The following TAL1 variants were observed in gnomAD, a reference collection of about 807,000 sequenced individuals.
TAL1 encodes the protein TAL bHLH transcription factor 1, erythroid differentiation factor.
A neutral mutation model predicts 17.9 loss-of-function variants in TAL1; 8 were observed. That is an observed-to-expected ratio of 0.45 (90% CI 0.26 to 0.81). The LOEUF (loss-of-function observed/expected upper bound fraction) is 0.81, where lower values mean the gene tolerates loss of function less well. Ranked by LOEUF, TAL1 falls within the 30% of genes least tolerant of loss-of-function variation. The pLI is 0.17. For missense variants in TAL1, 466 were observed against 486.9 expected (o/e 0.96, Z 0.40); for synonymous variants, 223 against 218.6 (o/e 1.02, Z -0.18).
chr1:47,220,380 G>C (rs923973350), intron 3 of TAL1, among the ~76,000 whole-genome samples: 2 of 152,120 alleles, frequency 1.3e-5, no homozygotes, highest in South Asian at 2.1e-4. Context: ...CAACCACCAC[G>C]ATACCGCAAT....
chr1:47,219,856 G>C (rs986793088), exon 4 of TAL1: 1 of 1,597,238 alleles, frequency 6.3e-7, no homozygotes, highest in African/African-American at 1.3e-5. Context: ...GCTGGAGTTG[G>C]GGGAAAGCAC....
chr1:47,223,985 T>TA lies in TAL1; in HGVS notation c.541+18_541+19insT. On this transcript the variant is annotated intron_variant, in intron 3 of 3. Coordinates refer to ENST00000294339, the Ensembl canonical transcript of TAL1. ...CCAGCGTGAGGGGCAGGTACAACGGTGGGGTGGGGCAGACTCACCATCAGT... is the reference window on the plus strand; with the variant it reads ...CCAGCGTGAGGGGCAGGTACAACGGTAGGGGTGGGGCAGACTCACCATCAGT... The TA allele has an allele frequency of 6.2e-7, 1 of 1,609,506 alleles. No individual in the cohort carries two copies. The highest frequency in any genetic ancestry group is 8.5e-7 in the Non-Finnish European group (1 of 1,176,458).
chr1:47,220,099 GC>G lies in TAL1; in HGVS notation c.616del (p.Ala206ProfsTer8). The G allele has an allele frequency of 6.2e-7, 1 of 1,611,376 alleles. No homozygotes were observed. Among genetic ancestry groups the G allele is most frequent in the Non-Finnish European group, 8.5e-7 (1 of 1,178,470 alleles). The stretch of plus-strand genomic sequence containing the variant: ...GATCAGCTTGCGGAGCTCGGCAAAG[GC>G]CCCGTTCACATTCTGCTGCCGCCAT... On this transcript the variant is annotated frameshift_variant, in exon 4 of 4. Transcript: ENST00000294339. LOFTEE classifies it high-confidence loss of function.
chr1:47,219,738 A>G (rs775032379), exon 4 of TAL1: 5 of 1,609,950 alleles, frequency 3.1e-6, no homozygotes, highest in Non-Finnish European at 3.4e-6. Context: ...GGCCGGCTCC[A>G]TCGGCGGCAG....
At chr1:47,222,689 C>A (rs1223808386) in intron 3 of TAL1, among the ~76,000 whole-genome samples, 1 of 152,266 alleles carries the variant, frequency 6.6e-6, no homozygotes, top group East Asian at 1.9e-4. Flanking sequence ...CACCCCCTCT[C>A]CTCACCTTCC....
In TAL1 at chr1:47,217,074, C is replaced by G. The variant is rs371748358; in HGVS notation, c.*2646G>C. The G allele has an allele frequency of 2.6e-5, 6 of 233,536 alleles. No individual in the cohort carries two copies. The East Asian group carries it at 3.6e-4, about 14-fold the overall frequency. The allele number at this position is 233,536 out of a possible 1,614,324, so 14.5% of individuals were successfully genotyped here. A position where few individuals can be genotyped will look rare whatever the true frequency, so the allele number is the denominator to read the frequency against. On this transcript the variant is annotated 3_prime_UTR_variant, in exon 4 of 4. Transcript: ENST00000294339. ...CTTATTACTGTCCCTGGCCTTGGAA[C>G]AAGATAGAAATTAAGACAATCTGGG...
At chr1:47,230,760 T>C (rs2148597545), upstream of TAL1, 1 of 152,202 alleles carries the variant, frequency 6.6e-6, no homozygotes, top group East Asian at 1.9e-4. Context: ...ACGATTGTGA[T>C]GGTGATGGCA....
intron 2 of TAL1, 49 bp downstream of exon 3, chr1:47,225,394 C>A: frequency 1.6e-6 from 2 of 1,224,440 alleles, no homozygotes; most frequent in South Asian, 8.3e-5. Context: ...TGGGGGTGGT[C>A]GCCCTGCCCA....
At chr1:47,216,599 G>A (rs1645499499) in exon 4 of TAL1, 4 of 231,928 alleles carry the variant, frequency 1.7e-5, no homozygotes, top group Admixed American at 1.1e-4. Flanking sequence ...GAAATCACAA[G>A]TACGGCCAGA....
At chr1:47,221,354 T>C (rs573111845) in intron 3 of TAL1, among the ~76,000 whole-genome samples, 1 of 152,348 alleles carries the variant, frequency 6.6e-6, no homozygotes, top group Admixed American at 6.5e-5. Flanking sequence ...ATCCACTGAC[T>C]ATGGCTTGGC....
upstream of TAL1, chr1:47,230,909 C>A (rs12141363): frequency 0.48 from 72,541 of 152,018 alleles, 19,434 homozygotes; most frequent in Middle Eastern, 0.64. Context: ...ACGTCGCTCA[C>A]CCGAAGAGGG....
exon 4 of TAL1, chr1:47,217,604 A>G (rs967585124): frequency 5.0e-6 from 2 of 398,608 alleles, no homozygotes; most frequent in Non-Finnish European, 4.4e-6. Context: ...AAAACTGTCT[A>G]CTTTCATGAT....
chr1:47,224,032 A>G (rs896894813), exon 3 of TAL1: 1 of 1,613,920 alleles, frequency 6.2e-7, no homozygotes, highest in Non-Finnish European at 8.5e-7. Context: ...CATAGGGGGA[A>G]GGTCTCCTCT....
At chr1:47,218,712 A>G in exon 4 of TAL1, 1 of 232,984 alleles carries the variant, frequency 4.3e-6, no homozygotes, top group African/African-American at 2.2e-5. Context: ...CATTCATAGG[A>G]CAGGTTTTGT....
intron 3 of TAL1, among the ~76,000 whole-genome samples, chr1:47,222,308 G>C (rs1643830364): frequency 6.6e-6 from 1 of 152,170 alleles, no homozygotes; most frequent in Non-Finnish European, 1.5e-5. Flanking sequence ...GGTGGTCCAG[G>C]ACTTAGCTGT....
At chr1:47,232,310 C>T (rs896068358), upstream of TAL1, 2 of 159,260 alleles carry the variant, frequency 1.3e-5, no homozygotes, top group African/African-American at 2.4e-5. Context: ...ATCCCACTCA[C>T]GTTCCAGGCC....
At chr1:47,219,178 G>A (rs1265356738) in exon 4 of TAL1, 7 of 426,976 alleles carry the variant, frequency 1.6e-5, no homozygotes, top group Middle Eastern at 1.4e-3. Flanking sequence ...AAGGCACCTC[G>A]AGGCTTGTGA....
exon 4 of TAL1, chr1:47,216,980 C>G (rs895073910): frequency 4.3e-6 from 1 of 231,872 alleles, no homozygotes; most frequent in Non-Finnish European, 8.5e-6. Context: ...CCTTTCCTAC[C>G]AGGCTTGTTT....
chr1:47,220,916 A>G (rs1643784109), intron 3 of TAL1, among the ~76,000 whole-genome samples: 1 of 152,254 alleles, frequency 6.6e-6, no homozygotes, highest in African/African-American at 2.4e-5. Context: ...AAGAAGCTCC[A>G]TGTTTAGCTC....
Sources: allele counts gnomAD v4.1 joint callset (sites outside exome capture counted in the v4.1 genomes callset), GRCh38; gene constraint gnomAD v4.1.1; transcripts MANE v1.5; gene names NCBI Gene and HGNC (gene_info 2026-07-23, HGNC 2026-07-21).